Variants in BMAL2 observed in about 807,000 individuals in gnomAD.
BMAL2 encodes the protein basic helix-loop-helix ARNT-like protein 2.
the BMAL2 span, among the ~76,000 whole-genome samples, chr12:27,398,945 G>A: frequency 1.1e-4 from 17 of 152,090 alleles, no homozygotes; most frequent in African/African-American, 4.1e-4. Context: ...TTCCTTTGAG[G>A]CATCTGGGTT....
chr12:27,423,324 CTTTTTTTTTTTTT>C, the BMAL2 span: 1 of 85,920 alleles, frequency 1.2e-5, no homozygotes, highest in South Asian at 4.1e-4. Context: ...CTTTTCTTTT[CTTTTTTTTTTTTT>C]TTTTTTTTTT....
the BMAL2 span, among the ~76,000 whole-genome samples, chr12:27,417,482 G>A: frequency 6.6e-6 from 1 of 152,166 alleles, no homozygotes; most frequent in Non-Finnish European, 1.5e-5. Context: ...GAGTCAGGTA[G>A]ACTTGAGTTA....
the BMAL2 span, among the ~76,000 whole-genome samples, chr12:27,355,373 T>C: frequency 6.6e-6 from 1 of 152,206 alleles, no homozygotes; most frequent in Non-Finnish European, 1.5e-5. Context: ...TCCCCAAGTC[T>C]GAACTTCTCT....
chr12:27,357,054 T>C, the BMAL2 span, among the ~76,000 whole-genome samples: 1 of 152,310 alleles, frequency 6.6e-6, no homozygotes, highest in East Asian at 1.9e-4. Context: ...TGGCTCCAAT[T>C]CCATCCAGGT....
the BMAL2 span, chr12:27,389,435 A>G: frequency 1.7e-6 from 1 of 595,562 alleles, no homozygotes; most frequent in African/African-American, 1.9e-5. Context: ...CATCATACTT[A>G]ATAAATATAT....
the BMAL2 span, among the ~76,000 whole-genome samples, chr12:27,398,169 G>A: frequency 6.6e-6 from 1 of 152,312 alleles, no homozygotes; most frequent in African/African-American, 2.4e-5. Flanking sequence ...TTTTGGATCT[G>A]CTTCCTCAAG....
chr12:27,375,669 A>G, the BMAL2 span, among the ~76,000 whole-genome samples: 1 of 152,230 alleles, frequency 6.6e-6, no homozygotes, highest in Non-Finnish European at 1.5e-5. Context: ...ATCTCCCACA[A>G]AACGATACAT....
the BMAL2 span, among the ~76,000 whole-genome samples, chr12:27,378,710 G>T: frequency 0.98 from 148,571 of 152,270 alleles, 72,588 homozygotes; most frequent in East Asian, 1. Context: ...TTAGGTGACT[G>T]GATTTGTTTT....
chr12:27,374,407 A>G, the BMAL2 span, among the ~76,000 whole-genome samples: 1 of 152,184 alleles, frequency 6.6e-6, no homozygotes, highest in Non-Finnish European at 1.5e-5. Flanking sequence ...AGATGATTTA[A>G]AGTATATGGG....
the BMAL2 span, chr12:27,400,758 GT>G: frequency 6.2e-7 from 1 of 1,610,214 alleles, no homozygotes; most frequent in East Asian, 2.2e-5. Context: ...TGGAAAATTT[GT>G]CTATGTAGAT....
the BMAL2 span, chr12:27,424,443 G>T: frequency 1.3e-5 from 2 of 152,196 alleles, no homozygotes; most frequent in African/African-American, 4.8e-5. Context: ...GAAATCTATT[G>T]TGAAACAAAG....
chr12:27,410,267 A>T, the BMAL2 span, among the ~76,000 whole-genome samples: 1 of 152,236 alleles, frequency 6.6e-6, no homozygotes. Flanking sequence ...AGGATTATAA[A>T]TTATGCTGCT....
chr12:27,338,692 C>T, the BMAL2 span, among the ~76,000 whole-genome samples: 3 of 152,214 alleles, frequency 2.0e-5, no homozygotes, highest in Admixed American at 2.0e-4. Flanking sequence ...CACAGGCAGC[C>T]TGTCTTACAC....
At chr12:27,400,702 A>C in the BMAL2 span, 6 of 1,613,674 alleles carry the variant, frequency 3.7e-6, no homozygotes, top group Non-Finnish European at 4.2e-6. Context: ...AACAGTGGAG[A>C]GATTAATGTG....
the BMAL2 span, among the ~76,000 whole-genome samples, chr12:27,339,593 T>C: frequency 1.3e-5 from 2 of 152,200 alleles, no homozygotes; most frequent in African/African-American, 4.8e-5. Flanking sequence ...GCATTCCCTT[T>C]TCTTTGCAGT....
At chr12:27,383,470 A>C in the BMAL2 span, among the ~76,000 whole-genome samples, 2 of 152,102 alleles carry the variant, frequency 1.3e-5, no homozygotes, top group African/African-American at 4.8e-5. Context: ...CATGGCATGC[A>C]TTTACTGGCC....
At chr12:27,388,644 A>T in the BMAL2 span, among the ~76,000 whole-genome samples, 1 of 152,034 alleles carries the variant, frequency 6.6e-6, no homozygotes, top group African/African-American at 2.4e-5. Flanking sequence ...GGGGTGATGA[A>T]TTCTGAGGGG....
At chr12:27,382,464 T>A in the BMAL2 span, among the ~76,000 whole-genome samples, 33,330 of 152,080 alleles carry the variant, frequency 0.22, 4,603 homozygotes, top group African/African-American at 0.39. Context: ...CAGCAGTGGT[T>A]CGAGTGAGAG....
the BMAL2 span, among the ~76,000 whole-genome samples, chr12:27,409,625 C>T: frequency 6.6e-6 from 1 of 152,150 alleles, no homozygotes; most frequent in Non-Finnish European, 1.5e-5. Context: ...CATGTTAGAC[C>T]TAAAACCATG....
Sources: allele counts gnomAD v4.1 joint callset (sites outside exome capture counted in the v4.1 genomes callset), GRCh38; gene constraint gnomAD v4.1.1; transcripts MANE v1.5; gene names NCBI Gene and HGNC (gene_info 2026-07-23, HGNC 2026-07-21).